The following BCR variants were observed in gnomAD, a reference collection of about 807,000 sequenced individuals.
BCR encodes the protein BCR activator of RhoGEF and GTPase.
Under a neutral mutation model 138.6 loss-of-function variants are expected in BCR, and 58 were observed. That is an observed-to-expected ratio of 0.42 (90% confidence interval 0.34 to 0.52). The LOEUF is 0.52. Ranked by LOEUF, BCR falls within the 20% of genes least tolerant of loss-of-function variation. The probability of loss-of-function intolerance (pLI) is 0.06; values close to 1 mark genes in which losing one functional copy is unlikely to be tolerated. For synonymous variants in BCR, 786 were observed against 730.1 expected, an observed-to-expected ratio of 1.08 and a Z score of -1.23; for missense variants, 1,599 against 1,727.2, an observed-to-expected ratio of 0.93 and a Z score of 1.32.
In BCR at chr22:23,302,760, C is replaced by T. The variant is rs188688335; in HGVS notation, c.3013-6664C>T. On this transcript the variant is annotated intron_variant, in intron 16 of 22. Transcript: ENST00000305877. ...CCTGGGATCCCACAAACAAGCCCCC[C>T]AGCTGGGAGCCTGGACCTCCAGGGA... 308 of 152,400 alleles carry T rather than the reference C, an allele frequency of 2.0e-3. 1 individual carries two copies. The highest frequency in any genetic ancestry group is 3.8e-3 in the Non-Finnish European group (257 of 68,078). The allele number at this position is 152,400 out of a possible 1,614,324, so 9.4% of individuals were successfully genotyped here. A position where few individuals can be genotyped will look rare whatever the true frequency, so the allele number is the denominator to read the frequency against.
chr22:23,280,309 C>T (rs937500375), intron 8 of BCR, among the ~76,000 whole-genome samples: 8 of 152,186 alleles, frequency 5.3e-5, no homozygotes, highest in African/African-American at 1.7e-4. Context: ...AGGAGGTGCC[C>T]CTCCTCACTC....
chr22:23,226,914 G>A (rs1368021920), intron 1 of BCR, among the ~76,000 whole-genome samples: 4 of 152,192 alleles, frequency 2.6e-5, no homozygotes, highest in Non-Finnish European at 5.9e-5. Flanking sequence ...ATAGGTTTGG[G>A]TTTGGGGGAG....
At chr22:23,282,537 A>T (rs1287373294) in intron 8 of BCR, among the ~76,000 whole-genome samples, 1 of 152,228 alleles carries the variant, frequency 6.6e-6, no homozygotes, top group African/African-American at 2.4e-5. Context: ...CTGTTCTTGC[A>T]AATGGGGAGC....
chr22:23,298,428 C>T lies in BCR; in HGVS notation c.3012+3273C>T, dbSNP rs145518574. Among the ~76,000 whole-genome samples the T allele has an allele frequency of 8.3e-4, 126 of 152,256 alleles. 1 individual carries two copies. The Middle Eastern group carries it at 0.01, about 12-fold the overall frequency. On this transcript the variant is annotated intron_variant, in intron 16 of 22. Transcript: ENST00000305877. Reference sequence around the variant, plus strand: ...AAAGCTGGAGGGACCAGATGAGTTCCGTCAAGGAGAGTCTTTGTCACACCC... The same window carrying T: ...AAAGCTGGAGGGACCAGATGAGTTCTGTCAAGGAGAGTCTTTGTCACACCC...
At chr22:23,282,308 C>T (rs1172169384) in intron 8 of BCR, among the ~76,000 whole-genome samples, 1 of 152,236 alleles carries the variant, frequency 6.6e-6, no homozygotes. Flanking sequence ...CGTCACCAGG[C>T]AGCCGTCTGC....
At chr22:23,215,073 G>C (rs911134433) in intron 1 of BCR, among the ~76,000 whole-genome samples, 1 of 152,180 alleles carries the variant, frequency 6.6e-6, no homozygotes, top group Non-Finnish European at 1.5e-5. Flanking sequence ...CATATGAGTG[G>C]AGTCCTACAG....
At chr22:23,220,769 C>A (rs1298735738) in intron 1 of BCR, among the ~76,000 whole-genome samples, 3 of 152,192 alleles carry the variant, frequency 2.0e-5, no homozygotes, top group African/African-American at 4.8e-5. Flanking sequence ...GGGTAGTAAC[C>A]TCCACCCTCA....
chr22:23,188,852 T>C (rs1475377069), intron 1 of BCR, among the ~76,000 whole-genome samples: 1 of 152,164 alleles, frequency 6.6e-6, no homozygotes, highest in Non-Finnish European at 1.5e-5. Flanking sequence ...ATTTTTATTA[T>C]TGTAAAATTC....
At chr22:23,287,673 A>G (rs116810517) in intron 11 of BCR, among the ~76,000 whole-genome samples, 1,833 of 152,260 alleles carry the variant, frequency 0.012, 32 homozygotes, top group African/African-American at 0.042. Flanking sequence ...ATGTCTGTCA[A>G]TGTCCAGAAT....
chr22:23,217,875 G>A (rs1410847658), intron 1 of BCR, among the ~76,000 whole-genome samples: 1 of 152,214 alleles, frequency 6.6e-6, no homozygotes, highest in African/African-American at 2.4e-5. Context: ...CTGCAGCTGT[G>A]GCCGCCTGCT....
At position 23,268,465 on chromosome 22, in the gene BCR, A is replaced by T. The variant is rs1369426384; in HGVS notation, c.1810A>T (p.Met604Leu). The T allele has an allele frequency of 1.2e-6, 2 of 1,613,980 alleles. No homozygotes were observed. Among genetic ancestry groups the T allele is most frequent in the Non-Finnish European group, 1.7e-6 (2 of 1,179,932 alleles). ...GGACAACTACGGAGTTGCCATGGAA[A>T]TGGCTGAGAAGTGCTGTCAGGCCAA... is the stretch of plus-strand genomic sequence containing the variant. ...FVDNYGVAME[M>L]AEKCCQANAQ... The change falls in exon 5 of 23, where the codon ATG (methionine) becomes TTG (leucine). Residue 604 changes from methionine to leucine, a missense_variant. Transcript: ENST00000305877.
At chr22:23,195,201 A>G (rs1217567722) in intron 1 of BCR, among the ~76,000 whole-genome samples, 1 of 151,730 alleles carries the variant, frequency 6.6e-6, no homozygotes, top group African/African-American at 2.4e-5. Context: ...CAGGCGGATC[A>G]CCTGAGGTCG....
At chr22:23,209,515 C>T (rs1225309782) in intron 1 of BCR, among the ~76,000 whole-genome samples, 10 of 151,428 alleles carry the variant, frequency 6.6e-5, no homozygotes, top group Admixed American at 1.3e-4. Context: ...GTACAAATTT[C>T]GTGGCTTGTT....
intron 1 of BCR, among the ~76,000 whole-genome samples, chr22:23,252,427 C>CTTT (rs371986661): frequency 0.15 from 17,358 of 116,394 alleles, 1,919 homozygotes; most frequent in African/African-American, 0.17. Context: ...TTTTTCTTTT[C>CTTT]TTTTCTTTTT....
chr22:23,207,489 G>T (rs1459308137), intron 1 of BCR, among the ~76,000 whole-genome samples: 1 of 151,690 alleles, frequency 6.6e-6, no homozygotes, highest in Non-Finnish European at 1.5e-5. Context: ...CAGGTGTTTT[G>T]GTGCACACCT....
chr22:23,278,393 G>T (rs566452390), intron 8 of BCR, among the ~76,000 whole-genome samples: 28 of 152,278 alleles, frequency 1.8e-4, no homozygotes, highest in African/African-American at 6.7e-4. Flanking sequence ...GGTGAGGCTC[G>T]GGCAGAGGAG....
chr22:23,313,893 G>T, intron 20 of BCR, 75 bp from the exon 21 acceptor site: 1 of 1,169,696 alleles, frequency 8.5e-7, no homozygotes. Context: ...CAAGCCCCAG[G>T]TGCTCCATGT....
chr22:23,258,000 C>T (rs565278318), intron 2 of BCR, among the ~76,000 whole-genome samples: 5 of 152,222 alleles, frequency 3.3e-5, no homozygotes, highest in South Asian at 2.1e-4. Context: ...CAGGCACAGC[C>T]GTGGCCTGGA....
At chr22:23,196,924 G>A (rs1332232455) in intron 1 of BCR, among the ~76,000 whole-genome samples, 2 of 152,330 alleles carry the variant, frequency 1.3e-5, no homozygotes, top group Middle Eastern at 6.8e-3. Flanking sequence ...TCATGGCCCG[G>A]GGGTTGGGGA....
Sources: allele counts gnomAD v4.1 joint callset (sites outside exome capture counted in the v4.1 genomes callset), GRCh38; gene constraint gnomAD v4.1.1; transcripts MANE v1.5; gene names NCBI Gene and HGNC (gene_info 2026-07-23, HGNC 2026-07-21).